Variants in LEPR observed in about 807,000 individuals in gnomAD.
LEPR encodes OB receptor.
LEPR carries 56 observed loss-of-function variants against 114.7 expected under a neutral mutation model. That is an observed-to-expected ratio of 0.49 (90% CI 0.39 to 0.61). The LOEUF (loss-of-function observed/expected upper bound fraction) is 0.61, where lower values mean the gene tolerates loss of function less well. Ranked by LOEUF, LEPR falls within the 20% of genes least tolerant of loss-of-function variation. The pLI is 0.00. For synonymous variants in LEPR, 443 were observed against 461.4 expected (o/e 0.96, Z 0.51); for missense variants, 1,202 against 1,352.9 (o/e 0.89, Z 1.75).
intron 19 of LEPR, chr1:65,634,046 C>T (rs1658623052): frequency 1.0e-6 from 1 of 985,228 alleles, no homozygotes; most frequent in East Asian, 1.1e-4. Flanking sequence ...AAAAGGGAGA[C>T]TCTTTGGAGC....
At chr1:65,632,889 G>A (rs934528163) in intron 19 of LEPR, among the ~76,000 whole-genome samples, 1 of 150,948 alleles carries the variant, frequency 6.6e-6, no homozygotes, top group African/African-American at 2.4e-5. Context: ...TACCTATTCT[G>A]TTATTTCCCT....
At chr1:65,503,458 G>A (rs1296689172) in intron 2 of LEPR, among the ~76,000 whole-genome samples, 1 of 152,072 alleles carries the variant, frequency 6.6e-6, no homozygotes, top group Non-Finnish European at 1.5e-5. Context: ...AATGAGCAGA[G>A]ATTGTAAGAC....
chr1:65,526,641 G>A (rs1649991412), intron 2 of LEPR, among the ~76,000 whole-genome samples: 1 of 152,088 alleles, frequency 6.6e-6, no homozygotes, highest in Non-Finnish European at 1.5e-5. Context: ...TCTGGAATTG[G>A]AATCAGAAAA....
chr1:65,440,000 CAAAAAAAAAA>C (rs550347312), intron 2 of LEPR, among the ~76,000 whole-genome samples: 7 of 58,144 alleles, frequency 1.2e-4, no homozygotes, highest in East Asian at 6.7e-4. Flanking sequence ...GATTCTGTCT[CAAAAAAAAAA>C]AAAAAAAAAA....
chr1:65,451,917 A>G (rs1041680094), intron 2 of LEPR, among the ~76,000 whole-genome samples: 16 of 151,572 alleles, frequency 1.1e-4, no homozygotes, highest in Middle Eastern at 3.2e-3. Context: ...TGAGCATGGA[A>G]TGTTCTTCCA....
chr1:65,636,741 A>G lies in LEPR; in HGVS notation c.3224A>G (p.Lys1075Arg). 6.2e-7 allele frequency: 1 copy of G among 1,611,830 alleles called. No individual in the cohort carries two copies. Among genetic ancestry groups the G allele is most frequent in the Non-Finnish European group, 8.5e-7 (1 of 1,179,170 alleles). Residue 1075 changes from lysine (K) to arginine (R), a missense_variant, in exon 20 of 20, where the codon AAG (lysine) becomes AGG (arginine). Coordinates refer to ENST00000349533, the MANE Select transcript of LEPR (RefSeq NM_002303.6). Reference sequence around the variant, plus strand: ...TTCCCTGAAGAAAATAATGATAAAAAGTCTATCTATTATTTAGGGGTCACC... The same window carrying G: ...TTCCCTGAAGAAAATAATGATAAAAGGTCTATCTATTATTTAGGGGTCACC... The part of the protein sequence containing the change: ...GNFPEENNDK[K>R]SIYYLGVTSI...
intron 8 of LEPR, among the ~76,000 whole-genome samples, 191 bp from the exon 9 acceptor site, chr1:65,601,201 A>C (rs1656417221): frequency 6.6e-6 from 1 of 152,038 alleles, no homozygotes; most frequent in Admixed American, 6.6e-5. Flanking sequence ...CTCACTTTAG[A>C]ATGAGAGCAC....
intron 2 of LEPR, among the ~76,000 whole-genome samples, chr1:65,450,064 G>A (rs991729805): frequency 1.3e-5 from 2 of 152,030 alleles, no homozygotes; most frequent in South Asian, 2.1e-4. Flanking sequence ...GGAATTGTCC[G>A]GTTGTGTTTC....
intron 2 of LEPR, among the ~76,000 whole-genome samples, chr1:65,498,556 A>G (rs1285589745): frequency 2.0e-5 from 3 of 152,158 alleles, no homozygotes; most frequent in Admixed American, 6.6e-5. Flanking sequence ...AATAATGGGT[A>G]GAGACGGAGG....
At chr1:65,596,411 TACTTG>T (rs1202905289) in intron 6 of LEPR, 32 bp from the exon 7 acceptor site, 6 of 1,609,940 alleles carry the variant, frequency 3.7e-6, no homozygotes, top group Non-Finnish European at 8.5e-7. Flanking sequence ...TCATGAAAAT[TACTTG>T]ACTTAAAAGT....
In LEPR at chr1:65,519,151, CCTTT is replaced by C. The variant is rs1167967252; in HGVS notation, c.-20-46393_-20-46390del. Among the ~76,000 whole-genome samples, 17 of 135,182 alleles carry C rather than the reference CCTTT, an allele frequency of 1.3e-4. No individual in the cohort carries two copies. The East Asian group carries it at 1.8e-3, about 14-fold the overall frequency. 88.7% of individuals were successfully genotyped at this position (135,182 alleles called of 152,430 possible). On this transcript the variant is annotated intron_variant, in intron 2 of 19. Coordinates refer to ENST00000349533, the MANE Select transcript of LEPR (RefSeq NM_002303.6). ...TCCTTCCTTCCTTCCTTCCTTCCTTCCTTTCCTTCCTTCCTTCCTTCCGGGTCTC... is the reference window on the plus strand; with the variant it reads ...TCCTTCCTTCCTTCCTTCCTTCCTTCCCTTCCTTCCTTCCTTCCGGGTCTC...
In LEPR at chr1:65,636,787, T is replaced by C; in HGVS notation, c.3270T>C (p.Ser1090=). 1.2e-6 allele frequency: 2 copies of C among 1,613,796 alleles called. No homozygotes were observed. The highest frequency in any genetic ancestry group is 1.7e-6 in the Non-Finnish European group (2 of 1,179,930). ...TCACCTCAATCAAAAAGAGAGAGAG[T>C]GGTGTGCTTTTGACTGACAAGTCAA... ...LGVTSIKKRE[S]GVLLTDKSRV... The change falls in exon 20 of 20, where the codon AGT becomes AGC. Residue 1090 remains serine, a synonymous_variant. Coordinates refer to ENST00000349533, the MANE Select transcript of LEPR (RefSeq NM_002303.6).
At chr1:65,443,541 G>T (rs1448406325) in intron 2 of LEPR, among the ~76,000 whole-genome samples, 1 of 151,648 alleles carries the variant, frequency 6.6e-6, no homozygotes, top group Non-Finnish European at 1.5e-5. Context: ...GGGTATATAA[G>T]CTCTAAATAT....
chr1:65,554,956 C>A (rs1652707914), intron 2 of LEPR, among the ~76,000 whole-genome samples: 2 of 152,052 alleles, frequency 1.3e-5, no homozygotes, highest in African/African-American at 4.8e-5. Flanking sequence ...CTTCCCTTGG[C>A]TAGGGGAGGG....
At chr1:65,454,642 C>T (rs374216225) in intron 2 of LEPR, among the ~76,000 whole-genome samples, 11 of 151,920 alleles carry the variant, frequency 7.2e-5, no homozygotes, top group Admixed American at 2.0e-4. Flanking sequence ...GGGTTTCTGC[C>T]GAGAGATCCA....
intron 2 of LEPR, among the ~76,000 whole-genome samples, chr1:65,552,626 G>A (rs1334002339): frequency 6.6e-6 from 1 of 152,052 alleles, no homozygotes; most frequent in Non-Finnish European, 1.5e-5. Context: ...TGTGAGACTG[G>A]TCTCCTGAAT....
At chr1:65,604,807 G>A (rs1407836144) in intron 10 of LEPR, among the ~76,000 whole-genome samples, 1 of 152,158 alleles carries the variant, frequency 6.6e-6, no homozygotes, top group Non-Finnish European at 1.5e-5. Context: ...AACTGGGCAT[G>A]CGCTCCTCAT....
intron 2 of LEPR, among the ~76,000 whole-genome samples, chr1:65,552,903 C>G (rs1194443356): frequency 6.6e-6 from 1 of 152,072 alleles, no homozygotes; most frequent in Non-Finnish European, 1.5e-5. Flanking sequence ...TCTTTTAAGG[C>G]AGGCCTGGTG....
chr1:65,585,358 G>A (rs969546118), intron 5 of LEPR, among the ~76,000 whole-genome samples: 2 of 152,002 alleles, frequency 1.3e-5, no homozygotes, highest in African/African-American at 4.8e-5. Context: ...TAATAATTTA[G>A]CATAGAATTT....
Sources: gnomAD v4.1 joint callset for allele counts (sites outside exome capture counted in the v4.1 genomes callset) on GRCh38, gnomAD v4.1.1 for gene constraint, MANE v1.5 for transcripts, NCBI Gene and HGNC (gene_info 2026-07-23, HGNC 2026-07-21) for gene names.